Variants in SLC30A8 observed in about 807,000 individuals in gnomAD.
The protein encoded by SLC30A8 is proton-coupled zinc antiporter SLC30A8.
SLC30A8 carries 27 observed loss-of-function variants against 36.9 expected under a neutral mutation model. The observed-to-expected ratio is 0.73, with a 90% CI of 0.54 to 1.01. The LOEUF is 1.01. SLC30A8 is among the 50% of genes least tolerant of loss of function. The pLI, the probability that SLC30A8 is intolerant of heterozygous loss-of-function variation, is 0.00. For synonymous variants in SLC30A8, 164 were observed against 172.4 expected (o/e 0.95, Z 0.38); for missense variants, 439 against 452.0 (o/e 0.97, Z 0.26).
intron 2 of SLC30A8, among the ~76,000 whole-genome samples, chr8:117,076,554 A>C (rs915011538): frequency 3.3e-5 from 5 of 152,206 alleles, no homozygotes; most frequent in Non-Finnish European, 7.4e-5. Flanking sequence ...AGAAAAAAAA[A>C]GTGGAGTGGG....
Position 117,051,576 on chromosome 8 carries a change from G to A in SLC30A8, c.-226+12318G>A, listed in dbSNP as rs1028216400. 7.2e-5 allele frequency among the ~76,000 whole-genome samples: 11 copies of A among 152,314 alleles called. 1 individual carries two copies. In the South Asian group the frequency reaches 2.1e-3, roughly 29 times the overall value. On this transcript the variant is annotated intron_variant, in intron 2 of 10. Coordinates refer to the SLC30A8 transcript ENST00000427715. ...CACCTGTAATCCCAGCACTTTGGGA[G>A]GCTGAGGCGGGCGGATCACAAGGTC...
chr8:117,147,003 A>G lies in SLC30A8; in HGVS notation c.121A>G (p.Arg41Gly). ...PVNKDQCPRE[R>G]PEELESGGMY... The stretch of plus-strand genomic sequence containing the variant: ...GAATAAAGATCAGTGTCCCAGAGAG[A>G]GACCAGAGGAGCTGGAGTCAGGAGG... Residue 41 changes from arginine (R) to glycine (G), a missense_variant, in exon 2 of 8, where the codon AGA (arginine) becomes GGA (glycine). By Grantham distance (125) the Arg-to-Gly change is moderately radical. Coordinates refer to ENST00000456015, the MANE Select transcript of SLC30A8 (RefSeq NM_173851.3). 6.2e-7 allele frequency: 1 copy of G among 1,614,012 alleles called. No homozygotes were observed. The highest frequency in any genetic ancestry group is 8.5e-7 in the Non-Finnish European group (1 of 1,179,912).
intron 1 of SLC30A8, among the ~76,000 whole-genome samples, chr8:116,990,550 C>T (rs1471986424): frequency 6.6e-6 from 1 of 152,126 alleles, no homozygotes; most frequent in Non-Finnish European, 1.5e-5. Context: ...CTCCTCAAAA[C>T]TGTCTAACTT....
At chr8:117,168,465 A>G (rs1172089583) in intron 6 of SLC30A8, among the ~76,000 whole-genome samples, 1 of 152,142 alleles carries the variant, frequency 6.6e-6, no homozygotes. Context: ...ACTAATTTAG[A>G]TATTTTCCTG....
intron 2 of SLC30A8, among the ~76,000 whole-genome samples, chr8:117,110,663 G>T (rs569857750): frequency 1.3e-5 from 2 of 152,216 alleles, no homozygotes; most frequent in African/African-American, 4.8e-5. Context: ...AGAAGGGTCC[G>T]TCCTCTGCAG....
intron 2 of SLC30A8, among the ~76,000 whole-genome samples, chr8:117,149,817 C>A (rs1310172939): frequency 6.6e-6 from 1 of 152,134 alleles, no homozygotes; most frequent in East Asian, 1.9e-4. Flanking sequence ...CCATTCATTC[C>A]TTTTTCAGCC....
intron 1 of SLC30A8, among the ~76,000 whole-genome samples, chr8:117,023,325 G>C (rs1274835024): frequency 6.6e-6 from 1 of 152,088 alleles, no homozygotes; most frequent in Non-Finnish European, 1.5e-5. Context: ...ATTCCTCAGG[G>C]ATCTAGAACT....
At chr8:117,038,000 A>G (rs1817269227) in intron 1 of SLC30A8, among the ~76,000 whole-genome samples, 1 of 152,228 alleles carries the variant, frequency 6.6e-6, no homozygotes, top group Non-Finnish European at 1.5e-5. Context: ...AAGTTAGAGA[A>G]CACGCAGAGG....
intron 1 of SLC30A8, among the ~76,000 whole-genome samples, chr8:116,954,063 A>G (rs1814097732): frequency 6.6e-6 from 1 of 152,220 alleles, no homozygotes; most frequent in South Asian, 2.1e-4. Context: ...CTTAGAAATA[A>G]TTAGGAGAAG....
intron 6 of SLC30A8, among the ~76,000 whole-genome samples, chr8:117,168,505 C>T (rs971870921): frequency 6.6e-6 from 1 of 152,072 alleles, no homozygotes; most frequent in Non-Finnish European, 1.5e-5. Context: ...AGACTCCCCC[C>T]CAAGTAAAAG....
chr8:116,969,094 G>T (rs1031833828), intron 1 of SLC30A8, among the ~76,000 whole-genome samples: 1 of 152,122 alleles, frequency 6.6e-6, no homozygotes, highest in African/African-American at 2.4e-5. Context: ...TTGAGCCTGG[G>T]TTTGTATCCC....
intron 2 of SLC30A8, among the ~76,000 whole-genome samples, chr8:117,123,416 A>G (rs1374476101): frequency 2.6e-5 from 4 of 152,048 alleles, no homozygotes; most frequent in Non-Finnish European, 5.9e-5. Context: ...GCATGAAGGA[A>G]TCTTTAAATG....
chr8:116,966,728 C>A (rs560065121), intron 1 of SLC30A8, among the ~76,000 whole-genome samples: 1 of 152,168 alleles, frequency 6.6e-6, no homozygotes, highest in African/African-American at 2.4e-5. Flanking sequence ...ACATCAGATT[C>A]TTGAAGAAAT....
At chr8:117,137,232 C>A (rs956148186) in intron 1 of SLC30A8, among the ~76,000 whole-genome samples, 2 of 151,982 alleles carry the variant, frequency 1.3e-5, no homozygotes, top group Non-Finnish European at 2.9e-5. Flanking sequence ...TCCCCCACCT[C>A]TACCAATCTA....
At chr8:117,153,723 G>GGGGT (rs1554591091) in intron 3 of SLC30A8, among the ~76,000 whole-genome samples, 5 of 146,910 alleles carry the variant, frequency 3.4e-5, no homozygotes, top group South Asian at 2.2e-4. Context: ...CATGATAAGG[G>GGGGT]GTGTGTGTGT....
intron 7 of SLC30A8, among the ~76,000 whole-genome samples, chr8:117,172,249 C>T (rs1394619185): frequency 6.6e-6 from 1 of 152,094 alleles, no homozygotes; most frequent in African/African-American, 2.4e-5. Flanking sequence ...TGGCTTTTTC[C>T]AGGGCTTGTC....
chr8:117,159,530 G>C (rs1269281993), intron 4 of SLC30A8, among the ~76,000 whole-genome samples: 1 of 152,168 alleles, frequency 6.6e-6, no homozygotes, highest in African/African-American at 2.4e-5. Context: ...TAAATAATTA[G>C]AAGAATGGTG....
At chr8:117,041,753 G>C (rs770616771) in intron 2 of SLC30A8, among the ~76,000 whole-genome samples, 1 of 152,070 alleles carries the variant, frequency 6.6e-6, no homozygotes, top group Non-Finnish European at 1.5e-5. Context: ...TAAACATTTT[G>C]AGCAAAGGAC....
intron 2 of SLC30A8, among the ~76,000 whole-genome samples, chr8:117,118,176 CA>C (rs57091173): frequency 0.066 from 5,813 of 87,466 alleles, 244 homozygotes; most frequent in East Asian, 0.18. Flanking sequence ...CTCTCTGTCT[CA>C]AAAAAAAAAA....
Sources: allele counts gnomAD v4.1 joint callset (sites outside exome capture counted in the v4.1 genomes callset), GRCh38; gene constraint gnomAD v4.1.1; transcripts MANE v1.5; gene names NCBI Gene and HGNC (gene_info 2026-07-23, HGNC 2026-07-21).